The following VKORC1L1 variants were observed in gnomAD, a reference collection of about 807,000 sequenced individuals.
VKORC1L1 encodes the protein vitamin K epoxide reductase complex subunit 1-like protein 1.
VKORC1L1 carries 2 observed loss-of-function variants against 18.9 expected under a neutral mutation model. The ratio of observed to expected loss-of-function variants is 0.11; its 90% confidence interval spans 0.04 to 0.33. The LOEUF is 0.33. VKORC1L1 is among the 10% of genes least tolerant of loss of function. VKORC1L1 has a pLI of 1.00. For synonymous variants in VKORC1L1, 96 were observed against 100.0 expected (o/e 0.96, Z 0.24); for missense variants, 123 against 224.1 (o/e 0.55, Z 2.88).
chr7:65,868,913 T>C (rs1004209514), upstream of VKORC1L1, among the ~76,000 whole-genome samples: 3 of 152,010 alleles, frequency 2.0e-5, no homozygotes, highest in African/African-American at 7.3e-5. Context: ...CTCCACAATA[T>C]ATGCATATAG....
chr7:65,944,972 T>C (rs1234821356), intron 1 of VKORC1L1, among the ~76,000 whole-genome samples: 3 of 149,028 alleles, frequency 2.0e-5, no homozygotes, highest in African/African-American at 7.4e-5. Context: ...CAAAAGATAA[T>C]ATTTAGGGCT....
At chr7:65,870,871 A>G (rs1174926941), upstream of VKORC1L1, among the ~76,000 whole-genome samples, 3 of 151,514 alleles carry the variant, frequency 2.0e-5, no homozygotes, top group Admixed American at 2.0e-4. Context: ...GCCTCAATCC[A>G]CACCCCTGCC....
In VKORC1L1 at chr7:65,905,435, A is replaced by G. The variant is rs201598280; in HGVS notation, c.194+31870A>G. 1.9e-4 allele frequency among the ~76,000 whole-genome samples: 29 copies of G among 151,832 alleles called. No individual in the cohort carries two copies. The East Asian group carries it at 5.6e-3, about 29-fold the overall frequency. On this transcript the variant is annotated intron_variant, in intron 1 of 2. Transcript: ENST00000360768. ...ATGCCATTTCCTGCCTCAGCCTCCCACATAGCTGGGACTACAGGTGCCCGC... is the reference window on the plus strand; with the variant it reads ...ATGCCATTTCCTGCCTCAGCCTCCCGCATAGCTGGGACTACAGGTGCCCGC...
At chr7:65,941,822 G>T (rs185274445) in intron 1 of VKORC1L1, among the ~76,000 whole-genome samples, 1 of 151,764 alleles carries the variant, frequency 6.6e-6, no homozygotes, top group East Asian at 2.0e-4. Flanking sequence ...ACTATAAGGC[G>T]AGTGCTACCA....
upstream of VKORC1L1, among the ~76,000 whole-genome samples, chr7:65,871,420 C>T (rs573621720): frequency 1.3e-5 from 2 of 152,098 alleles, no homozygotes; most frequent in Non-Finnish European, 2.9e-5. Context: ...GTCTCGAACT[C>T]CTGACCTCAG....
At chr7:65,950,166 T>G (rs1417583275) in intron 2 of VKORC1L1, among the ~76,000 whole-genome samples, 1 of 152,176 alleles carries the variant, frequency 6.6e-6, no homozygotes, top group African/African-American at 2.4e-5. Context: ...TTACTTTAAT[T>G]TTTACTCTTT....
chr7:65,912,017 T>C (rs1789510200), intron 1 of VKORC1L1, among the ~76,000 whole-genome samples: 1 of 152,070 alleles, frequency 6.6e-6, no homozygotes, highest in South Asian at 2.1e-4. Context: ...TAATATAATA[T>C]CAAGGTAAAA....
intron 1 of VKORC1L1, among the ~76,000 whole-genome samples, chr7:65,934,172 G>C (rs967067541): frequency 1.3e-5 from 2 of 152,070 alleles, no homozygotes; most frequent in Middle Eastern, 3.4e-3. Context: ...GAGGTGAGAG[G>C]ATCACTTGAG....
chr7:65,941,571 G>T (rs1790033276), intron 1 of VKORC1L1, among the ~76,000 whole-genome samples: 1 of 151,530 alleles, frequency 6.6e-6, no homozygotes. Flanking sequence ...TTTTTAGAAA[G>T]ACCCCAGGAG....
At chr7:65,878,223 A>G (rs1359162650) in intron 1 of VKORC1L1, among the ~76,000 whole-genome samples, 2 of 152,092 alleles carry the variant, frequency 1.3e-5, no homozygotes, top group Non-Finnish European at 2.9e-5. Context: ...AGGTGGGTGG[A>G]TCACCTGAGT....
At chr7:65,896,552 C>CTCCT (rs143743754) in intron 1 of VKORC1L1, among the ~76,000 whole-genome samples, 6 of 144,060 alleles carry the variant, frequency 4.2e-5, no homozygotes, top group South Asian at 2.4e-4. Flanking sequence ...CCCTTCCTCC[C>CTCCT]TCCTTCCTTC....
chr7:65,867,670 C>T, the VKORC1L1 span, among the ~76,000 whole-genome samples: 3 of 152,092 alleles, frequency 2.0e-5, no homozygotes, highest in Admixed American at 1.3e-4. Flanking sequence ...TGGGCTTCCT[C>T]ACAGCATGGT....
intron 1 of VKORC1L1, among the ~76,000 whole-genome samples, chr7:65,888,473 A>G: frequency 6.6e-6 from 1 of 152,094 alleles, no homozygotes; most frequent in East Asian, 1.9e-4. Flanking sequence ...ACACACTGAG[A>G]TCTTCCCCAC....
intron 1 of VKORC1L1, among the ~76,000 whole-genome samples, chr7:65,926,142 AATT>A (rs58145133): frequency 0.5 from 73,344 of 146,464 alleles, 19,430 homozygotes; most frequent in East Asian, 0.79. Context: ...AATTTTAATG[AATT>A]ATTATTATTA....
intron 1 of VKORC1L1, among the ~76,000 whole-genome samples, chr7:65,892,068 T>C (rs1450630136): frequency 6.6e-6 from 1 of 152,246 alleles, no homozygotes; most frequent in Non-Finnish European, 1.5e-5. Flanking sequence ...CTTATTTCTC[T>C]TAACATAATG....
intron 1 of VKORC1L1, among the ~76,000 whole-genome samples, chr7:65,884,324 G>A (rs1788977725): frequency 1.3e-5 from 2 of 152,046 alleles, no homozygotes; most frequent in Admixed American, 1.3e-4. Context: ...AGATCTTGCT[G>A]TATGTTTAAT....
intron 1 of VKORC1L1, among the ~76,000 whole-genome samples, chr7:65,945,529 C>G (rs1790105955): frequency 6.6e-6 from 1 of 150,868 alleles, no homozygotes; most frequent in African/African-American, 2.4e-5. Flanking sequence ...GGAGAATGGC[C>G]TGAACCTGGG....
chr7:65,927,496 A>G (rs1253906936), intron 1 of VKORC1L1, among the ~76,000 whole-genome samples: 1 of 152,148 alleles, frequency 6.6e-6, no homozygotes, highest in Non-Finnish European at 1.5e-5. Context: ...CCAAACCCAA[A>G]GAATGGACTC....
chr7:65,879,425 T>C (rs1302111641), intron 1 of VKORC1L1, among the ~76,000 whole-genome samples: 2 of 152,194 alleles, frequency 1.3e-5, no homozygotes, highest in Non-Finnish European at 2.9e-5. Flanking sequence ...ATGTTAATAC[T>C]TACAGATAAT....
Sources: allele counts gnomAD v4.1 joint callset (sites outside exome capture counted in the v4.1 genomes callset), GRCh38; gene constraint gnomAD v4.1.1; transcripts MANE v1.5; gene names NCBI Gene and HGNC (gene_info 2026-07-23, HGNC 2026-07-21).